The following UBR1 variants were observed in gnomAD, a reference collection of about 807,000 sequenced individuals.
UBR1 encodes ubiquitin protein ligase E3 component n-recognin 1, also known as E3 ubiquitin-protein ligase UBR1.
Under a neutral mutation model 242.1 loss-of-function variants are expected in UBR1, and 102 were observed. The observed-to-expected ratio is 0.42, with a 90% CI of 0.36 to 0.50. The LOEUF (loss-of-function observed/expected upper bound fraction) is 0.50, where lower values mean the gene tolerates loss of function less well. UBR1 is among the 20% of genes least tolerant of loss of function. The probability of loss-of-function intolerance (pLI) is 0.01; values close to 1 mark genes in which losing one functional copy is unlikely to be tolerated. For synonymous variants in UBR1, 675 were observed against 684.8 expected (o/e 0.99, Z 0.22); for missense variants, 1,772 against 2,101.8 (o/e 0.84, Z 3.07).
chr15:42,976,572 G>A (rs1306282439), intron 39 of UBR1, 145 bp downstream of exon 39: 2 of 929,396 alleles, frequency 2.2e-6, no homozygotes, highest in African/African-American at 2.1e-5. Flanking sequence ...TGTTTAAACA[G>A]TATCCATTAA....
rs1007936591 is a variant in UBR1, at chr15:43,020,859, G to A, written c.2940+416C>T. ...TCATTAAGGTCTTAGCTCTAATGTC[G>A]TGTTTTGAGAGAGGCCTTCCCTAAT... On this transcript the variant is annotated intron_variant, in intron 27 of 46. Transcript: ENST00000290650. Among the ~76,000 whole-genome samples, 13 of 152,262 alleles carry A rather than the reference G, an allele frequency of 8.5e-5. No individual in the cohort carries two copies. The East Asian group carries it at 1.2e-3, about 14-fold the overall frequency.
intron 35 of UBR1, chr15:42,988,616 T>C (rs952944583): frequency 7.4e-6 from 5 of 678,746 alleles, no homozygotes; most frequent in African/African-American, 7.2e-5. Context: ...ATGTTGCATA[T>C]GGCCACAATC....
chr15:43,055,025 A>C, intron 11 of UBR1, 126 bp from the exon 12 acceptor site: 5 of 1,149,660 alleles, frequency 4.3e-6, no homozygotes, highest in Non-Finnish European at 6.3e-6. Context: ...TGTTAAACAC[A>C]GTCCTTAGTT....
chr15:43,082,715 C>A lies in UBR1; in HGVS notation c.340G>T (p.Asp114Tyr). The A allele has an allele frequency of 6.2e-7, 1 of 1,613,562 alleles. No homozygotes were observed. Among genetic ancestry groups the A allele is most frequent in the Non-Finnish European group, 8.5e-7 (1 of 1,179,654 alleles). ...KSGETTYSCR[D>Y]CAIDPTCVLC... ...ACACATGTTGGATCAATTGCACAAT[C>A]CCTGAAAAAGATCAGAAATCAGATT... The change falls in exon 3 of 47, where the codon GAT becomes TAT. Residue 114 changes from aspartate to tyrosine, a missense_variant and splice_region_variant. By Grantham distance (160) the Asp-to-Tyr change is radical (BLOSUM62 -3). Around this residue, in one of 3 missense-constraint regions of UBR1, gnomAD observed 734 missense variants for 893.3 expected, o/e 0.82. Transcript: ENST00000290650.
intron 17 of UBR1, among the ~76,000 whole-genome samples, chr15:43,037,357 A>G (rs1392051898): frequency 6.6e-6 from 1 of 151,924 alleles, no homozygotes; most frequent in Non-Finnish European, 1.5e-5. Context: ...CTCAAAAAAA[A>G]AAAAAGAAAA....
intron 1 of UBR1, among the ~76,000 whole-genome samples, chr15:43,099,001 C>T (rs1387946898): frequency 6.6e-6 from 1 of 152,120 alleles, no homozygotes; most frequent in African/African-American, 2.4e-5. Context: ...CATATAACTC[C>T]TCACTTCTAT....
At chr15:43,072,556 A>G (rs1313257907) in intron 4 of UBR1, among the ~76,000 whole-genome samples, 1 of 152,196 alleles carries the variant, frequency 6.6e-6, no homozygotes, top group African/African-American at 2.4e-5. Context: ...AACCTCCAAT[A>G]CAATATTGAA....
intron 1 of UBR1, among the ~76,000 whole-genome samples, chr15:43,090,948 A>AT (rs1045376027): frequency 2.0e-3 from 299 of 151,866 alleles, no homozygotes; most frequent in African/African-American, 6.9e-3. Flanking sequence ...ATTTATTTTT[A>AT]TTTTTTTTGA....
chr15:43,024,025 T>C (rs1014883951), intron 25 of UBR1, among the ~76,000 whole-genome samples: 4 of 152,224 alleles, frequency 2.6e-5, no homozygotes, highest in African/African-American at 9.6e-5. Context: ...CAAGAATAAG[T>C]AGATCTATAT....
chr15:43,096,814 C>T (rs2034167483), intron 1 of UBR1, among the ~76,000 whole-genome samples: 2 of 152,140 alleles, frequency 1.3e-5, no homozygotes, highest in Admixed American at 6.6e-5. Context: ...TTCTAGTTCT[C>T]TTATTTCTAC....
At chr15:43,028,194 C>T (rs1016372799) in intron 21 of UBR1, among the ~76,000 whole-genome samples, 1 of 152,144 alleles carries the variant, frequency 6.6e-6, no homozygotes, top group African/African-American at 2.4e-5. Flanking sequence ...CATGCCCATG[C>T]TGTATTAATC....
Position 43,032,626 on chromosome 15 carries a change from C to A in UBR1, c.2196G>T (p.Leu732Phe). The change falls in exon 20 of 47, where the codon TTG (leucine) becomes TTT (phenylalanine). Residue 732 changes from leucine to phenylalanine, a missense_variant. Transcript: ENST00000290650. ...CTATTAGTGTATTATATTGTTTAAT[C>A]AAATCCTATAGAATCGAAAAAGAGT... ...NKTISTKDQD[L>F]IKQYNTLIEE... 3 of 1,513,960 alleles carry A rather than the reference C, an allele frequency of 2.0e-6. No individual in the cohort carries two copies. The South Asian group carries it at 3.4e-5, about 17-fold the overall frequency. The allele number at this position is 1,513,960 out of a possible 1,614,324, so 93.8% of individuals were successfully genotyped here. A position where few individuals can be genotyped will look rare whatever the true frequency, so the allele number is the denominator to read the frequency against.
At chr15:43,031,017 G>C (rs1444353259) in intron 20 of UBR1, among the ~76,000 whole-genome samples, 1 of 152,132 alleles carries the variant, frequency 6.6e-6, no homozygotes, top group Non-Finnish European at 1.5e-5. Context: ...GATCACGTAG[G>C]TTACCTCCAC....
At chr15:42,957,502 G>A (rs1255542036) in intron 44 of UBR1, among the ~76,000 whole-genome samples, 6 of 152,158 alleles carry the variant, frequency 3.9e-5, no homozygotes, top group Non-Finnish European at 8.8e-5. Flanking sequence ...TTCATTGCAT[G>A]TTATGTGGAT....
chr15:43,070,585 G>GAT (rs2033812930), intron 5 of UBR1, among the ~76,000 whole-genome samples: 1 of 152,104 alleles, frequency 6.6e-6, no homozygotes, highest in African/African-American at 2.4e-5. Flanking sequence ...CAAAGCTCCT[G>GAT]ATACACTACT....
chr15:43,016,007 C>A, intron 28 of UBR1, 138 bp from the exon 29 acceptor site: 1 of 717,654 alleles, frequency 1.4e-6, no homozygotes, highest in Non-Finnish European at 2.3e-6. Context: ...TTTAATGTTT[C>A]AAAATTAGCA....
chr15:43,099,880 C>T (rs996879701), intron 1 of UBR1, among the ~76,000 whole-genome samples: 9 of 142,992 alleles, frequency 6.3e-5, no homozygotes, highest in African/African-American at 2.3e-4. Flanking sequence ...AGAGGTGCCT[C>T]TTTTTTTTTT....
In UBR1 at chr15:43,060,125, A is replaced by G; in HGVS notation, c.799-11T>C. On this transcript the variant is annotated splice_polypyrimidine_tract_variant and intron_variant, in intron 6 of 46. Coordinates refer to ENST00000290650, the MANE Select transcript of UBR1 (RefSeq NM_174916.3). The stretch of plus-strand genomic sequence containing the variant: ...AACAGCCCGACGACCCTAATTATAG[A>G]CAAAAGTGAGAATTAGGTAGTGAAA... 1 of 1,613,630 alleles carries G rather than the reference A, an allele frequency of 6.2e-7. No homozygotes were observed. Among genetic ancestry groups the G allele is most frequent in the Non-Finnish European group, 8.5e-7 (1 of 1,179,546 alleles).
intron 43 of UBR1, among the ~76,000 whole-genome samples, chr15:42,959,584 C>A (rs555396991): frequency 6.6e-6 from 1 of 152,050 alleles, no homozygotes; most frequent in African/African-American, 2.4e-5. Context: ...TATTTCAGTA[C>A]CATGCTGGGT....
Sources: allele counts gnomAD v4.1 joint callset (sites outside exome capture counted in the v4.1 genomes callset), GRCh38; gene constraint gnomAD v4.1.1; regional missense constraint gnomAD v4.1.1; transcripts MANE v1.5; gene names NCBI Gene and HGNC (gene_info 2026-07-23, HGNC 2026-07-21).